ADAP1: variants seen among roughly 807,000 people sequenced by gnomAD.
The protein encoded by ADAP1 is ArfGAP with dual PH domains 1.
ADAP1 carries 31 observed loss-of-function variants against 54.9 expected under a neutral mutation model. That is an observed-to-expected ratio of 0.56 (90% confidence interval 0.42 to 0.76). The LOEUF (loss-of-function observed/expected upper bound fraction) is 0.76, where lower values mean the gene tolerates loss of function less well. Ranked by LOEUF, ADAP1 falls within the 30% of genes least tolerant of loss-of-function variation. The probability of loss-of-function intolerance (pLI) is 0.00; values close to 1 mark genes in which losing one functional copy is unlikely to be tolerated. For missense variants in ADAP1, 535 were observed against 512.4 expected, an observed-to-expected ratio of 1.04 and a Z score of -0.42; for synonymous variants, 313 against 202.6, an observed-to-expected ratio of 1.55 and a Z score of -4.63.
At chr7:939,037 G>A (rs984332397) in intron 1 of ADAP1, among the ~76,000 whole-genome samples, 5 of 152,156 alleles carry the variant, frequency 3.3e-5, no homozygotes, top group Non-Finnish European at 7.4e-5. Context: ...GGCCTGGAAG[G>A]AGGCCTGTTC....
rs996393223 is a variant in ADAP1 at position 905,230 on chromosome 7, G to A, written c.389-58C>T. On this transcript the variant is annotated intron_variant, in intron 4 of 10. Coordinates refer to ENST00000265846, the MANE Select transcript of ADAP1 (RefSeq NM_006869.4). ...GTGGATGGGGGGGAGGAAACAAAAG[G>A]AGTGACGATGGACAGGACAGAGGGG... 78 of 1,343,378 alleles carry A rather than the reference G, an allele frequency of 5.8e-5. 2 individuals carry two copies. The South Asian group carries it at 8.1e-4, about 14-fold the overall frequency. 83.2% of individuals were successfully genotyped at this position (1,343,378 alleles called of 1,614,324 possible).
chr7:915,300 G>A lies in ADAP1; in HGVS notation c.388+4668C>T, dbSNP rs577972680. Among the ~76,000 whole-genome samples the A allele has an allele frequency of 1.8e-3, 272 of 152,242 alleles. 1 individual carries two copies. Among genetic ancestry groups the A allele is most frequent in the Admixed American group, 2.9e-3 (45 of 15,300 alleles). ...TACATCTCGTCTGTGTACCTCACCC[G>A]TGCCTCATGCACACTGTGCACCTCC... On this transcript the variant is annotated intron_variant, in intron 4 of 10. Coordinates refer to ENST00000265846, the MANE Select transcript of ADAP1 (RefSeq NM_006869.4).
intron 2 of ADAP1, among the ~76,000 whole-genome samples, chr7:934,642 G>A (rs982063601): frequency 3.9e-5 from 6 of 152,156 alleles, no homozygotes; most frequent in East Asian, 1.9e-4. Context: ...GCCCCCAGCC[G>A]GGGTCTTGTT....
At chr7:928,124 G>A (rs1846449187) in intron 2 of ADAP1, among the ~76,000 whole-genome samples, 1 of 152,118 alleles carries the variant, frequency 6.6e-6, no homozygotes, top group Admixed American at 6.6e-5. Context: ...GGAGGCCGAG[G>A]TGGGAAGATG....
intron 2 of ADAP1, among the ~76,000 whole-genome samples, chr7:932,423 G>C (rs1458569921): frequency 6.6e-6 from 1 of 152,170 alleles, no homozygotes; most frequent in Non-Finnish European, 1.5e-5. Context: ...TGGAATTATG[G>C]GGACAATAGC....
At chr7:905,196 T>G (rs113225936) in intron 4 of ADAP1, 24 bp from the exon 5 acceptor site, 1 of 1,580,800 alleles carries the variant, frequency 6.3e-7, no homozygotes, top group Non-Finnish European at 8.6e-7. Context: ...GGGACACGAG[T>G]CGGTGACAGT....
At chr7:943,816 CGAAGGGAGAGAGGAGGAG>C (rs1204188268) in intron 1 of ADAP1, among the ~76,000 whole-genome samples, 6 of 21,004 alleles carry the variant, frequency 2.9e-4, no homozygotes, top group East Asian at 3.6e-3. Flanking sequence ...GAGAGGAGGA[CGAAGGGAGAGAGGAGGAG>C]GAAGGGAGGA....
intron 4 of ADAP1, among the ~76,000 whole-genome samples, chr7:907,985 G>A (rs978128209): frequency 4.6e-5 from 7 of 152,080 alleles, no homozygotes; most frequent in African/African-American, 1.7e-4. Flanking sequence ...CCCTTCCCGG[G>A]GTCGTGGGGC....
At position 945,677 on chromosome 7, in the gene ADAP1, G is replaced by A. The variant is rs984868475; in HGVS notation, c.82+8719C>T. 36 of 937,798 alleles carry A rather than the reference G, an allele frequency of 3.8e-5. No individual in the cohort carries two copies. Among genetic ancestry groups the A allele is most frequent in the African/African-American group, 1.2e-4 (7 of 56,340 alleles). The allele number at this position is 937,798 out of a possible 1,614,324, so 58.1% of individuals were successfully genotyped here. On this transcript the variant is annotated intron_variant, in intron 1 of 10. Transcript: ENST00000265846. This position sits in a 1 kb window ranked among gnomAD's most constrained non-coding sequence, Gnocchi z 4.2. ...CACAAACATCCAGGCTGCCAGCACC[G>A]TCTCCAGGAGCTGCCTCCTCCTCGG...
At chr7:927,289 C>G in intron 2 of ADAP1, 2 of 1,216,006 alleles carry the variant, frequency 1.6e-6, no homozygotes, top group Non-Finnish European at 2.1e-6. Flanking sequence ...GAGGCTGTCA[C>G]GCACACTGTG....
intron 4 of ADAP1, among the ~76,000 whole-genome samples, chr7:915,393 G>A (rs567411426): frequency 6.6e-6 from 1 of 152,360 alleles, no homozygotes; most frequent in Admixed American, 6.5e-5. Context: ...GTCTCCACAG[G>A]CAGATCATGA....
chr7:954,719 G>C (rs1260254749), upstream of ADAP1: 85 of 981,316 alleles, frequency 8.7e-5, no homozygotes, highest in South Asian at 2.3e-4. Flanking sequence ...CGCTCTGGCC[G>C]GCAAGGCCCG....
Position 920,175 on chromosome 7 carries a change from C to T in ADAP1, c.306-125G>A, listed in dbSNP as rs559329576. 67 of 734,976 alleles carry T rather than the reference C, an allele frequency of 9.1e-5. 1 individual carries two copies. Among genetic ancestry groups the T allele is most frequent in the Non-Finnish European group, 1.4e-4 (62 of 452,170 alleles). The allele number at this position is 734,976 out of a possible 1,614,324, so 45.5% of individuals were successfully genotyped here. A position where few individuals can be genotyped will look rare whatever the true frequency, so the allele number is the denominator to read the frequency against. On this transcript the variant is annotated intron_variant, in intron 3 of 10. Transcript: ENST00000265846. This position sits in a 1 kb window ranked among gnomAD's most constrained non-coding sequence, Gnocchi z 4.5. Reference sequence around the variant, plus strand: ...AGGGACCCCCGGCAGACTCGAGCCGCCCCTCTGGGCACAAGATCCCGGAAG... The same window carrying T: ...AGGGACCCCCGGCAGACTCGAGCCGTCCCTCTGGGCACAAGATCCCGGAAG...
chr7:947,840 A>G (rs1847181964), intron 1 of ADAP1, among the ~76,000 whole-genome samples: 1 of 151,800 alleles, frequency 6.6e-6, no homozygotes. Flanking sequence ...CCAGAGTCAC[A>G]GCGCAGCCCT....
chr7:907,940 A>T (rs1845543891), intron 4 of ADAP1, among the ~76,000 whole-genome samples: 1 of 150,842 alleles, frequency 6.6e-6, no homozygotes, highest in Non-Finnish European at 1.5e-5. Context: ...TGGCCCCTCC[A>T]GGGGTCGCGG....
Position 954,505 on chromosome 7 carries a change from C to T in ADAP1, c.-28G>A. ...CCGCGATGCGCCCGCGATGCCGATG[C>T]CGGGGCCGGGGCCGGGAGCGTCAGC... is the stretch of plus-strand genomic sequence containing the variant. On this transcript the variant is annotated 5_prime_UTR_variant, in exon 1 of 11. Coordinates refer to ENST00000265846, the MANE Select transcript of ADAP1 (RefSeq NM_006869.4). 9.9e-7 allele frequency: 1 copy of T among 1,009,736 alleles called. No homozygotes were observed. The highest frequency in any genetic ancestry group is 1.2e-6 in the Non-Finnish European group (1 of 847,988). The allele number at this position is 1,009,736 out of a possible 1,614,324, so 62.5% of individuals were successfully genotyped here.
intron 6 of ADAP1, among the ~76,000 whole-genome samples, chr7:902,052 G>C (rs1844844408): frequency 6.6e-6 from 1 of 152,076 alleles, no homozygotes; most frequent in African/African-American, 2.4e-5. Flanking sequence ...AACTCCCTCA[G>C]CTCCCACAGC....
At chr7:949,387 G>C (rs923390447) in intron 1 of ADAP1, among the ~76,000 whole-genome samples, 1 of 152,278 alleles carries the variant, frequency 6.6e-6, no homozygotes, top group African/African-American at 2.4e-5. Flanking sequence ...GACGGGTGAC[G>C]GGAGAAGCAG....
intron 1 of ADAP1, among the ~76,000 whole-genome samples, chr7:949,257 C>G (rs935831144): frequency 1.3e-5 from 2 of 152,362 alleles, no homozygotes; most frequent in African/African-American, 4.8e-5. Context: ...CTCCCCCGGG[C>G]ACATGAGCAC....
Sources: allele counts gnomAD v4.1 joint callset (sites outside exome capture counted in the v4.1 genomes callset), GRCh38; gene constraint gnomAD v4.1.1; non-coding constraint Gnocchi (gnomAD v3.1); transcripts MANE v1.5; gene names NCBI Gene and HGNC (gene_info 2026-07-23, HGNC 2026-07-21).